The following S100PBP variants were observed in gnomAD, a reference collection of about 807,000 sequenced individuals.
The protein encoded by S100PBP is S100P-binding protein.
In S100PBP, 15 loss-of-function variants were observed where a neutral mutation model predicts 39.9. The ratio of observed to expected loss-of-function variants is 0.38; its 90% CI spans 0.25 to 0.58. The LOEUF (loss-of-function observed/expected upper bound fraction) is 0.58, where lower values mean the gene tolerates loss of function less well. S100PBP is among the 20% of genes least tolerant of loss of function. The pLI, the probability that S100PBP is intolerant of heterozygous loss-of-function variation, is 0.70. For missense variants in S100PBP, 504 were observed against 487.3 expected, an observed-to-expected ratio of 1.03 and a Z score of -0.32; for synonymous variants, 178 against 180.3, an observed-to-expected ratio of 0.99 and a Z score of 0.10.
At chr1:32,827,728 G>A (rs1202468023) in intron 3 of S100PBP, among the ~76,000 whole-genome samples, 3 of 149,628 alleles carry the variant, frequency 2.0e-5, no homozygotes, top group East Asian at 3.9e-4. Flanking sequence ...TGATCCACCC[G>A]CCTTGGCCTC....
intron 1 of S100PBP, among the ~76,000 whole-genome samples, chr1:32,819,404 C>T (rs1412292015): frequency 1.3e-5 from 2 of 152,190 alleles, no homozygotes; most frequent in East Asian, 3.9e-4. Context: ...CCCATCTCTA[C>T]TGTAAATACA....
intron 3 of S100PBP, among the ~76,000 whole-genome samples, 196 bp from the exon 4 acceptor site, chr1:32,827,783 GTTTTTTTTTTTTTT>G (rs35149609): frequency 1.5e-5 from 2 of 130,426 alleles, no homozygotes; most frequent in East Asian, 4.4e-4. Context: ...ACCTGGCCAG[GTTTTTTTTTTTTTT>G]TTTTTTTTTT....
intron 5 of S100PBP, among the ~76,000 whole-genome samples, chr1:32,849,499 T>C (rs1172608627): frequency 1.3e-5 from 2 of 152,232 alleles, no homozygotes; most frequent in Non-Finnish European, 2.9e-5. Context: ...AATTGTAGGA[T>C]ACATGCAAAG....
At chr1:32,821,085 AT>A (rs1019472565) in intron 1 of S100PBP, among the ~76,000 whole-genome samples, 6 of 150,890 alleles carry the variant, frequency 4.0e-5, no homozygotes, top group African/African-American at 7.3e-5. Context: ...TCTTCTTGCT[AT>A]TTTTTTTTCC....
intron 5 of S100PBP, among the ~76,000 whole-genome samples, chr1:32,833,607 C>T (rs1173877969): frequency 6.6e-6 from 1 of 152,026 alleles, no homozygotes; most frequent in African/African-American, 2.4e-5. Flanking sequence ...AGTGATCCGC[C>T]CACCTTGGCC....
chr1:32,830,959 A>C (rs1169044497), intron 5 of S100PBP, among the ~76,000 whole-genome samples: 1 of 152,140 alleles, frequency 6.6e-6, no homozygotes, highest in Non-Finnish European at 1.5e-5. Context: ...ACATGCCTAT[A>C]ATCCTAGCTA....
In S100PBP at chr1:32,822,950, AG is replaced by A. The variant is rs199564189; in HGVS notation, c.-119-2361del. On this transcript the variant is annotated intron_variant, in intron 1 of 6. Transcript: ENST00000373475. ...TGTTATAGATTGTACTGAATTTAGA[AG>A]GCCTGAGTTTGGATTCTAGCTCTGC... Among the ~76,000 whole-genome samples the A allele has an allele frequency of 5.2e-3, 794 of 152,338 alleles. 8 individuals are homozygous for A. Among genetic ancestry groups the A allele is most frequent in the Middle Eastern group, 0.037 (11 of 294 alleles).
chr1:32,855,614 T>C (rs1026497635), intron 6 of S100PBP, among the ~76,000 whole-genome samples: 5 of 152,188 alleles, frequency 3.3e-5, no homozygotes, highest in African/African-American at 1.2e-4. Context: ...TGGTTTTTTT[T>C]TTCTCCCCTA....
intron 2 of S100PBP, among the ~76,000 whole-genome samples, chr1:32,825,729 G>GTA (rs1034867712): frequency 2.0e-5 from 3 of 151,972 alleles, no homozygotes; most frequent in Non-Finnish European, 2.9e-5. Context: ...GAACATCCAT[G>GTA]TATATATATA....
At chr1:32,828,944 C>T (rs1639465598) in intron 4 of S100PBP, among the ~76,000 whole-genome samples, 4 of 152,050 alleles carry the variant, frequency 2.6e-5, no homozygotes, top group African/African-American at 9.7e-5. Context: ...AGAGGTTGCA[C>T]TGAGCCGAGA....
At chr1:32,827,016 C>T in intron 3 of S100PBP, 86 bp downstream of exon 3, 1 of 862,082 alleles carries the variant, frequency 1.2e-6, no homozygotes. Context: ...CCTGCTATCT[C>T]CACACATACA....
Position 32,840,927 on chromosome 1 carries a change from G to A in S100PBP, c.1024+10860G>A, listed in dbSNP as rs574034720. Among the ~76,000 whole-genome samples the A allele has an allele frequency of 2.6e-5, 4 of 151,452 alleles. 1 individual carries two copies. The highest frequency in any genetic ancestry group is 9.7e-5 in the African/African-American group (4 of 41,418). On this transcript the variant is annotated intron_variant, in intron 5 of 6. Transcript: ENST00000373475. ...TGTAATCCCAGCACTTTGGGAGGCC[G>A]AGGTGGGCGGATCACGAGATCAGGA...
At chr1:32,837,343 TG>T (rs1290072883) in intron 5 of S100PBP, among the ~76,000 whole-genome samples, 1 of 148,370 alleles carries the variant, frequency 6.7e-6, no homozygotes, top group African/African-American at 2.5e-5. Flanking sequence ...TGGAGTGCAG[TG>T]GCGTAATCTG....
At chr1:32,817,156 C>T (rs1480062867), upstream of S100PBP, 8 of 1,613,696 alleles carry the variant, frequency 5.0e-6, no homozygotes, top group East Asian at 1.6e-4. Context: ...CTCCTAATCC[C>T]CAACGGCGCA....
At chr1:32,829,326 G>A (rs182608363) in intron 4 of S100PBP, among the ~76,000 whole-genome samples, 1 of 152,062 alleles carries the variant, frequency 6.6e-6, no homozygotes. Context: ...TAACTTTTCA[G>A]TTTCACTCTA....
chr1:32,846,561 C>T (rs549444525), intron 5 of S100PBP, among the ~76,000 whole-genome samples: 7 of 151,914 alleles, frequency 4.6e-5, no homozygotes, highest in Non-Finnish European at 8.8e-5. Flanking sequence ...TATCTCCATA[C>T]TTACTGCCTA....
chr1:32,843,936 TG>T (rs948542300), intron 5 of S100PBP, among the ~76,000 whole-genome samples: 1 of 151,592 alleles, frequency 6.6e-6, no homozygotes, highest in African/African-American at 2.4e-5. Flanking sequence ...TTTTTTGAGA[TG>T]GAGTCTCGCT....
chr1:32,833,022 A>G (rs575885192), intron 5 of S100PBP, among the ~76,000 whole-genome samples: 1 of 152,256 alleles, frequency 6.6e-6, no homozygotes, highest in East Asian at 1.9e-4. Context: ...AGAAATACCA[A>G]CAACTTCCTT....
At position 32,829,769 on chromosome 1, in the gene S100PBP, T is replaced by G. The variant is rs548814751; in HGVS notation, c.921-195T>G. Among the ~76,000 whole-genome samples, 4 of 152,352 alleles carry G rather than the reference T, an allele frequency of 2.6e-5. No homozygotes were observed. The East Asian group carries it at 7.7e-4, about 29-fold the overall frequency. ...CCACCACACCCAGCTTCTCTTCTTT[T>G]TCTCTTGATTCCATACTCCATTTTA... On this transcript the variant is annotated intron_variant, in intron 4 of 6. Coordinates refer to ENST00000373475, the MANE Select transcript of S100PBP (RefSeq NM_022753.4).
Sources: gnomAD v4.1 joint callset for allele counts (sites outside exome capture counted in the v4.1 genomes callset) on GRCh38, gnomAD v4.1.1 for gene constraint, MANE v1.5 for transcripts, NCBI Gene and HGNC (gene_info 2026-07-23, HGNC 2026-07-21) for gene names.